ANO7: variants seen among roughly 807,000 people sequenced by gnomAD.
ANO7 encodes the protein anoctamin-7.
A neutral mutation model predicts 115.8 loss-of-function variants in ANO7; 114 were observed. The ratio of observed to expected loss-of-function variants is 0.98; its 90% CI spans 0.85 to 1.15. ANO7 has a LOEUF of 1.15. Among genes scored for constraint, ANO7 ranks in the 50% most tolerant of loss-of-function variants. ANO7 has a pLI of 0.00. For synonymous variants in ANO7, 550 were observed against 498.2 expected (o/e 1.10, Z -1.38); for missense variants, 1,302 against 1,201.2 (o/e 1.08, Z -1.24).
chr2:241,204,793 G>T, intron 9 of ANO7, 72 bp from the exon 10 acceptor site: 2 of 1,169,424 alleles, frequency 1.7e-6, no homozygotes, highest in East Asian at 2.4e-5. Flanking sequence ...GACAAGCATG[G>T]CTGTGCAGAC....
At chr2:241,212,340 G>A (rs112047515) in intron 16 of ANO7, 135 bp downstream of exon 16, 30 of 981,008 alleles carry the variant, frequency 3.1e-5, no homozygotes, top group African/African-American at 2.9e-4. Context: ...CCAGGCAGGG[G>A]ACAGGGGCCC....
the ANO7 span, among the ~76,000 whole-genome samples, chr2:241,234,381 C>CTT: frequency 6.6e-6 from 1 of 152,222 alleles, no homozygotes; most frequent in South Asian, 2.1e-4. Context: ...GCCACAGCCC[C>CTT]TGAACACCCA....
chr2:241,230,378 A>C, downstream of ANO7: 1 of 750,746 alleles, frequency 1.3e-6, no homozygotes, highest in South Asian at 1.8e-5. The surrounding 1 kb of genome is among the most constrained non-coding windows in gnomAD (Gnocchi z 5.0). Context: ...ACGTTTTAAA[A>C]TCTGGTTTCA....
chr2:241,228,855 C>A (rs1481381791), downstream of ANO7: 1 of 152,936 alleles, frequency 6.5e-6, no homozygotes, highest in Non-Finnish European at 1.5e-5. Context: ...TCACAGCAGA[C>A]ACTGTGACGG....
the ANO7 span, chr2:241,240,055 C>T: frequency 1.1e-5 from 17 of 1,614,100 alleles, no homozygotes; most frequent in African/African-American, 1.3e-5. This position sits in a 1 kb window ranked among gnomAD's most constrained non-coding sequence, Gnocchi z 5.5. Context: ...TTTGCCGCCC[C>T]CCTTGCCGAT....
At chr2:241,190,028 C>T in intron 1 of ANO7, 29 bp from the exon 2 acceptor site, 1 of 1,539,436 alleles carries the variant, frequency 6.5e-7, no homozygotes, top group Non-Finnish European at 8.8e-7. Context: ...TCTCTGACCC[C>T]CATCCCCACC....
intron 7 of ANO7, 132 bp downstream of exon 7, chr2:241,201,487 T>C: frequency 2.0e-6 from 2 of 1,022,344 alleles, no homozygotes; most frequent in Non-Finnish European, 2.8e-6. Context: ...CCGGAGGCTT[T>C]GGAAACTTTA....
At chr2:241,230,684 C>T, downstream of ANO7, 1 of 1,303,288 alleles carries the variant, frequency 7.7e-7, no homozygotes, top group Admixed American at 1.9e-5. This position sits in a 1 kb window ranked among gnomAD's most constrained non-coding sequence, Gnocchi z 5.0. Flanking sequence ...AGGCCATGCC[C>T]TGCTCTTTCT....
chr2:241,212,870 C>T (rs551057533), intron 17 of ANO7: 10 of 496,864 alleles, frequency 2.0e-5, no homozygotes, highest in South Asian at 1.3e-4. Context: ...CAGTGGCTCA[C>T]GCCTGTAATC....
intron 3 of ANO7, among the ~76,000 whole-genome samples, chr2:241,194,498 T>C (rs2068276649): frequency 6.6e-6 from 1 of 151,786 alleles, no homozygotes; most frequent in South Asian, 2.1e-4. Flanking sequence ...TTTTGTATTT[T>C]TAGTAGATAT....
At chr2:241,213,941 C>T (rs1209068643) in intron 17 of ANO7, among the ~76,000 whole-genome samples, 2 of 152,192 alleles carry the variant, frequency 1.3e-5, no homozygotes, top group African/African-American at 4.8e-5. Flanking sequence ...AGCCAGAGGG[C>T]TCTCAATTGT....
Position 241,224,139 on chromosome 2 carries a change from C to T in ANO7, c.2626C>T (p.Gln876Ter). The change falls in exon 25 of 25, where the codon CAG becomes TAG. Residue 876 changes from glutamine to a stop codon, truncating the protein, a stop_gained. Coordinates refer to ENST00000674324, the MANE Select transcript of ANO7 (RefSeq NM_001370694.2). LOFTEE classifies it high-confidence loss of function. Reference protein sequence around the residue: ...WTPFTVPKASQLQQ With the variant: ...WTPFTVPKAS ...ACCCTTCACGGTTCCCAAGGCCAGC[C>T]AGCTGCAGCAGTGACGCCTGGAAGG... is the stretch of plus-strand genomic sequence containing the variant. 6.3e-7 allele frequency: 1 copy of T among 1,599,780 alleles called. No homozygotes were observed. The highest frequency in any genetic ancestry group is 8.6e-7 in the Non-Finnish European group (1 of 1,167,494).
At chr2:241,221,412 T>C (rs1246166439) in intron 21 of ANO7, among the ~76,000 whole-genome samples, 1 of 152,150 alleles carries the variant, frequency 6.6e-6, no homozygotes, top group Non-Finnish European at 1.5e-5. Flanking sequence ...AGAGTCTTGC[T>C]CTGTCACCCA....
chr2:241,210,012 C>A (rs896220026), intron 13 of ANO7, among the ~76,000 whole-genome samples: 1 of 152,220 alleles, frequency 6.6e-6, no homozygotes, highest in African/African-American at 2.4e-5. Flanking sequence ...GTCAGGAATC[C>A]CCAATTCCTG....
intron 15 of ANO7, among the ~76,000 whole-genome samples, chr2:241,211,197 G>C (rs181855071): frequency 2.6e-5 from 4 of 152,262 alleles, no homozygotes; most frequent in African/African-American, 7.2e-5. Flanking sequence ...CCCCCTCCAG[G>C]CTGCAAGGTC....
chr2:241,229,487 G>A, downstream of ANO7: 2 of 770,314 alleles, frequency 2.6e-6, no homozygotes, highest in Non-Finnish European at 4.3e-6. Context: ...CTCGGGAAGG[G>A]GGAAGAGCGT....
At chr2:241,239,742 G>T in the ANO7 span, 7 of 1,614,028 alleles carry the variant, frequency 4.3e-6, no homozygotes, top group African/African-American at 9.3e-5. This position sits in a 1 kb window ranked among gnomAD's most constrained non-coding sequence, Gnocchi z 4.6. Context: ...GCAATCTCCC[G>T]CAAGACCTGG....
rs761888644 is a variant in ANO7, at chr2:241,218,352, C to T, written c.2292C>T (p.Ser764=). ...TCACGCTGGCGCGAGCCCCGTCCTC[C>T]TTCGCCGCCGCGCACAACCGCACGT... The part of the protein sequence containing the change: ...LNFTLARAPS[S]FAAAHNRTCR... Residue 764 remains serine, a synonymous_variant, in exon 21 of 25, where the codon TCC becomes TCT. Transcript: ENST00000674324. The T allele has an allele frequency of 2.0e-5, 29 of 1,478,622 alleles. No homozygotes were observed. Among genetic ancestry groups the T allele is most frequent in the Non-Finnish European group, 2.5e-5 (28 of 1,118,390 alleles). 91.6% of individuals were successfully genotyped at this position (1,478,622 alleles called of 1,614,324 possible).
rs1270658480 is a variant in ANO7 at position 241,205,507 on chromosome 2, CAGTCTGACAGGTGGACAGGAGTGCTCCA to C, written c.980+555_980+582del. Among the ~76,000 whole-genome samples the C allele has an allele frequency of 1.9e-4, 27 of 140,296 alleles. 1 individual carries two copies. The highest frequency in any genetic ancestry group is 5.4e-4 in the African/African-American group (20 of 37,182). The allele number at this position is 140,296 out of a possible 152,430, so 92.0% of individuals were successfully genotyped here. A position where few individuals can be genotyped will look rare whatever the true frequency, so the allele number is the denominator to read the frequency against. ...TGACACAGGTGGACAGGAGTGCTCC[CAGTCTGACAGGTGGACAGGAGTGCTCCA>C]AGGCTGACACAGGTGGACAGGAGTG... On this transcript the variant is annotated intron_variant, in intron 10 of 24. Coordinates refer to ENST00000674324, the MANE Select transcript of ANO7 (RefSeq NM_001370694.2).
Sources: gnomAD v4.1 joint callset for allele counts (sites outside exome capture counted in the v4.1 genomes callset) on GRCh38, gnomAD v4.1.1 for gene constraint, Gnocchi (gnomAD v3.1) non-coding constraint, MANE v1.5 for transcripts, NCBI Gene and HGNC (gene_info 2026-07-23, HGNC 2026-07-21) for gene names.